Variants in FGF12 observed in about 807,000 individuals in gnomAD.
FGF12 encodes the protein fibroblast growth factor 12, also known as fibroblast growth factor 12B.
Under a neutral mutation model 23.6 loss-of-function variants are expected in FGF12, and 14 were observed. That is an observed-to-expected ratio of 0.59 (90% CI 0.39 to 0.93). The LOEUF is 0.93. FGF12 is among the 40% of genes least tolerant of loss of function. The pLI is 0.00. For missense variants in FGF12, 175 were observed against 217.8 expected, an observed-to-expected ratio of 0.80 and a Z score of 1.24; for synonymous variants, 62 against 77.3, an observed-to-expected ratio of 0.80 and a Z score of 1.04.
intron 2 of FGF12, among the ~76,000 whole-genome samples, chr3:192,689,181 G>A (rs959598840): frequency 6.6e-6 from 1 of 152,126 alleles, no homozygotes; most frequent in African/African-American, 2.4e-5. Context: ...AGAGTAAGGT[G>A]ACTACAGGTA....
Position 192,378,076 on chromosome 3 carries a change from T to TCTTTCTC in FGF12, c.14-17539_14-17538insGAGAAAG, listed in dbSNP as rs1233919859. 8.4e-4 allele frequency among the ~76,000 whole-genome samples: 97 copies of TCTTTCTC among 114,920 alleles called. 5 individuals are homozygous for TCTTTCTC. The highest frequency in any genetic ancestry group is 1.1e-3 in the Non-Finnish European group (65 of 56,852). The allele number at this position is 114,920 out of a possible 152,430, so 75.4% of individuals were successfully genotyped here. On this transcript the variant is annotated intron_variant, in intron 2 of 5. Coordinates refer to ENST00000445105, the MANE Select transcript of FGF12 (RefSeq NM_004113.6). ...TTTCTTTCTTTCTTTCTTTCTTTCT[T>TCTTTCTC]TCTTTCTTTCTTTCTTTCTTCTTTC...
intron 2 of FGF12, among the ~76,000 whole-genome samples, chr3:192,436,444 T>A (rs1056894148): frequency 6.6e-6 from 1 of 151,768 alleles, no homozygotes; most frequent in African/African-American, 2.4e-5. Context: ...TCAAAAGGAG[T>A]CAAGAGATTT....
intron 2 of FGF12, among the ~76,000 whole-genome samples, chr3:192,712,201 G>A (rs966036786): frequency 6.6e-6 from 1 of 151,196 alleles, no homozygotes. Context: ...TAAAACATAT[G>A]AAAAATAGAA....
intron 2 of FGF12, among the ~76,000 whole-genome samples, chr3:192,492,479 C>A (rs1351246730): frequency 6.6e-6 from 1 of 151,990 alleles, no homozygotes; most frequent in African/African-American, 2.4e-5. Context: ...ATTATTATTA[C>A]ACATTGCAGA....
intron 2 of FGF12, among the ~76,000 whole-genome samples, chr3:192,531,483 C>G (rs1335862370): frequency 1.3e-5 from 2 of 152,058 alleles, no homozygotes. Flanking sequence ...AGTGGACTCC[C>G]CATTTACAGA....
intron 2 of FGF12, among the ~76,000 whole-genome samples, chr3:192,557,172 A>G (rs1232881543): frequency 6.6e-5 from 10 of 151,976 alleles, no homozygotes; most frequent in Non-Finnish European, 8.8e-5. Context: ...ATTAAGCCCA[A>G]AGTCACCAAA....
intron 2 of FGF12, among the ~76,000 whole-genome samples, chr3:192,667,607 T>TAAAAA (rs59867848): frequency 5.3e-5 from 4 of 76,184 alleles, no homozygotes; most frequent in East Asian, 3.6e-4. Flanking sequence ...CGAGACTCCG[T>TAAAAA]AAAAAAAAAA....
intron 2 of FGF12, among the ~76,000 whole-genome samples, chr3:192,499,556 G>C (rs1411973868): frequency 2.3e-5 from 2 of 87,264 alleles, no homozygotes; most frequent in Admixed American, 3.7e-4. Context: ...TTTTGAGACA[G>C]AGTCTTGCTC....
chr3:192,253,413 A>G (rs960177480), intron 4 of FGF12, among the ~76,000 whole-genome samples: 2 of 152,210 alleles, frequency 1.3e-5, no homozygotes, highest in South Asian at 4.1e-4. Flanking sequence ...AAATATGGCA[A>G]CAAGGAGAGA....
In FGF12 at chr3:192,711,230, G is replaced by A. The variant is rs138284839; in HGVS notation, c.13+15951C>T. Among the ~76,000 whole-genome samples, 665 of 145,466 alleles carry A rather than the reference G, an allele frequency of 4.6e-3. 3 individuals carry two copies. Among genetic ancestry groups the A allele is most frequent in the African/African-American group, 0.018 (640 of 35,574 alleles). Reference sequence around the variant, plus strand: ...TTCTTTAAAAATGTAAATCCCGTCCGGGAGGGAGGTGGGGGCCAGCCCCTG... The same window carrying A: ...TTCTTTAAAAATGTAAATCCCGTCCAGGAGGGAGGTGGGGGCCAGCCCCTG... On this transcript the variant is annotated intron_variant, in intron 2 of 5. Coordinates refer to ENST00000445105, the MANE Select transcript of FGF12 (RefSeq NM_004113.6).
chr3:192,720,470 A>AGAT (rs1338399565), intron 2 of FGF12, among the ~76,000 whole-genome samples: 2 of 152,208 alleles, frequency 1.3e-5, no homozygotes, highest in African/African-American at 4.8e-5. Flanking sequence ...GTAACTGGAG[A>AGAT]GATGAGAAAG....
intron 4 of FGF12, among the ~76,000 whole-genome samples, chr3:192,298,654 G>T (rs1159312738): frequency 6.6e-6 from 1 of 152,200 alleles, no homozygotes; most frequent in South Asian, 2.1e-4. Flanking sequence ...GGAGGCTGAG[G>T]CAGAATCACT....
chr3:192,230,462 C>T (rs77957696), intron 4 of FGF12, among the ~76,000 whole-genome samples: 2,140 of 152,160 alleles, frequency 0.014, 41 homozygotes, highest in East Asian at 0.051. Flanking sequence ...TAGTTCAGTG[C>T]CTGATAAATA....
At chr3:192,375,977 T>C (rs1357240254) in intron 2 of FGF12, among the ~76,000 whole-genome samples, 1 of 152,188 alleles carries the variant, frequency 6.6e-6, no homozygotes, top group Non-Finnish European at 1.5e-5. Context: ...TTTTATAACA[T>C]TACTATAATA....
rs534966724 is a variant in FGF12 at position 192,409,847 on chromosome 3, C to T, written c.14-49309G>A. ...GGAGGCAGGTGCAGGCGGCTGCCAA[C>T]TCGCCCAACTTGCTGCGCGGGTGGC... On this transcript the variant is annotated intron_variant, in intron 2 of 5. Coordinates refer to ENST00000445105, the MANE Select transcript of FGF12 (RefSeq NM_004113.6). This position sits in a 1 kb window ranked among gnomAD's most constrained non-coding sequence, Gnocchi z 4.8. 3.2e-4 allele frequency among the ~76,000 whole-genome samples: 49 copies of T among 151,968 alleles called. 1 individual carries two copies. The highest frequency in any genetic ancestry group is 1.0e-3 in the South Asian group (5 of 4,826).
chr3:192,497,679 A>G (rs1453398012), intron 2 of FGF12, among the ~76,000 whole-genome samples: 2 of 152,066 alleles, frequency 1.3e-5, no homozygotes, highest in South Asian at 2.1e-4. Flanking sequence ...TCCAGCTGGG[A>G]TACACCTTCC....
At chr3:192,170,732 A>G in intron 4 of FGF12, 76 bp from the exon 5 acceptor site, 5 of 1,265,854 alleles carry the variant, frequency 3.9e-6, no homozygotes, top group Non-Finnish European at 5.5e-6. Flanking sequence ...AAATCCAATA[A>G]GCTTGAAATC....
intron 2 of FGF12, among the ~76,000 whole-genome samples, chr3:192,503,653 T>A (rs1164692230): frequency 6.9e-6 from 1 of 144,178 alleles, no homozygotes; most frequent in Non-Finnish European, 1.5e-5. Context: ...TCACCCAGGC[T>A]GGAGTGCAAT....
At chr3:192,387,872 G>A (rs1720115622) in intron 2 of FGF12, among the ~76,000 whole-genome samples, 1 of 152,108 alleles carries the variant, frequency 6.6e-6, no homozygotes, top group Non-Finnish European at 1.5e-5. Context: ...GGGTGACACA[G>A]TGAGACACTG....
Sources: allele counts gnomAD v4.1 joint callset (sites outside exome capture counted in the v4.1 genomes callset), GRCh38; gene constraint gnomAD v4.1.1; non-coding constraint Gnocchi (gnomAD v3.1); transcripts MANE v1.5; gene names NCBI Gene and HGNC (gene_info 2026-07-23, HGNC 2026-07-21).